NEGR1: variants seen among roughly 807,000 people sequenced by gnomAD.
The protein encoded by NEGR1 is IgLON family member 4.
NEGR1 carries 10 observed loss-of-function variants against 40.9 expected under a neutral mutation model. The observed-to-expected ratio is 0.24, with a 90% CI of 0.15 to 0.42. The LOEUF is 0.42. NEGR1 is among the 10% of genes least tolerant of loss of function. The pLI is 1.00. For missense variants in NEGR1, 352 were observed against 438.9 expected, an observed-to-expected ratio of 0.80 and a Z score of 1.77; for synonymous variants, 185 against 166.8, an observed-to-expected ratio of 1.11 and a Z score of -0.84.
At chr1:72,003,594 C>A (rs1202338545) in intron 1 of NEGR1, among the ~76,000 whole-genome samples, 1 of 146,588 alleles carries the variant, frequency 6.8e-6, no homozygotes, top group African/African-American at 2.6e-5. Flanking sequence ...AGGAAGTTAT[C>A]AGAAGATAGG....
chr1:71,831,336 A>G (rs753237663), intron 2 of NEGR1, among the ~76,000 whole-genome samples: 4 of 151,928 alleles, frequency 2.6e-5, no homozygotes, highest in Admixed American at 2.6e-4. Context: ...AAAATTGCAA[A>G]TAAAGGTGTT....
intron 6 of NEGR1, among the ~76,000 whole-genome samples, chr1:71,517,631 G>A (rs1193687603): frequency 7.0e-6 from 1 of 142,476 alleles, no homozygotes; most frequent in Non-Finnish European, 1.5e-5. Flanking sequence ...TACTGAATGG[G>A]CAAAAACTGG....
chr1:71,561,693 A>C (rs1647243866), intron 6 of NEGR1, among the ~76,000 whole-genome samples: 1 of 151,708 alleles, frequency 6.6e-6, no homozygotes, highest in Admixed American at 6.6e-5. Flanking sequence ...GACAACCATA[A>C]ATCCTGAAAG....
At chr1:72,068,768 C>G (rs913458632) in intron 1 of NEGR1, among the ~76,000 whole-genome samples, 4 of 152,004 alleles carry the variant, frequency 2.6e-5, no homozygotes, top group African/African-American at 9.7e-5. Flanking sequence ...GTGATTTTGT[C>G]TTACCAAGAA....
intron 2 of NEGR1, among the ~76,000 whole-genome samples, chr1:71,897,503 T>A (rs1661005678): frequency 6.6e-6 from 1 of 152,196 alleles, no homozygotes; most frequent in Admixed American, 6.5e-5. Context: ...TTTATAACCC[T>A]AGTTTGAGAG....
intron 4 of NEGR1, among the ~76,000 whole-genome samples, chr1:71,622,885 G>T (rs563117374): frequency 6.6e-6 from 1 of 151,802 alleles, no homozygotes; most frequent in Non-Finnish European, 1.5e-5. Flanking sequence ...GAGCCTTGGG[G>T]TGTTATGACT....
chr1:72,039,555 G>A (rs1646933671), intron 1 of NEGR1, among the ~76,000 whole-genome samples: 1 of 151,830 alleles, frequency 6.6e-6, no homozygotes, highest in South Asian at 2.1e-4. Flanking sequence ...TCCAAGTGTT[G>A]GAGAGAAAAA....
intron 6 of NEGR1, among the ~76,000 whole-genome samples, chr1:71,575,407 T>C (rs1475085932): frequency 6.6e-6 from 1 of 152,198 alleles, no homozygotes; most frequent in Non-Finnish European, 1.5e-5. Context: ...TTCCTCAATG[T>C]AGCTGCTGTT....
chr1:72,202,208 C>A (rs116548588), intron 1 of NEGR1, among the ~76,000 whole-genome samples: 3 of 151,838 alleles, frequency 2.0e-5, no homozygotes, highest in Admixed American at 1.3e-4. Context: ...AAAACTTAAT[C>A]GATAAATGAT....
chr1:71,980,504 C>T (rs985243263), intron 1 of NEGR1, among the ~76,000 whole-genome samples: 4 of 152,072 alleles, frequency 2.6e-5, no homozygotes, highest in African/African-American at 4.8e-5. Context: ...TGACTCTATA[C>T]GTTTTACAGA....
intron 2 of NEGR1, among the ~76,000 whole-genome samples, chr1:71,800,116 CAT>C (rs1657500879): frequency 2.6e-5 from 4 of 152,144 alleles, no homozygotes; most frequent in Admixed American, 1.3e-4. Context: ...GAGCTTTTTT[CAT>C]ATGTTTGTTG....
chr1:71,701,024 A>C (rs1190827352), intron 3 of NEGR1, among the ~76,000 whole-genome samples: 2 of 152,014 alleles, frequency 1.3e-5, no homozygotes, highest in Non-Finnish European at 2.9e-5. Context: ...AGCTGACAAA[A>C]AAAATTAATT....
At chr1:72,145,716 A>C (rs2821302) in intron 1 of NEGR1, among the ~76,000 whole-genome samples, 151,007 of 152,204 alleles carry the variant, frequency 0.99, 74,927 homozygotes, top group Middle Eastern at 1. Flanking sequence ...TGTTTCTCTG[A>C]ATGATTCCAC....
intron 4 of NEGR1, among the ~76,000 whole-genome samples, chr1:71,617,457 T>A (rs1650482308): frequency 1.3e-5 from 2 of 152,226 alleles, no homozygotes; most frequent in African/African-American, 4.8e-5. Context: ...GAGGATATGT[T>A]ATGTGCACTT....
chr1:71,466,133 A>T (rs1646744142), intron 6 of NEGR1, among the ~76,000 whole-genome samples: 1 of 152,080 alleles, frequency 6.6e-6, no homozygotes, highest in Non-Finnish European at 1.5e-5. Flanking sequence ...CGCAAGTAAC[A>T]CAGGCACTGA....
intron 2 of NEGR1, among the ~76,000 whole-genome samples, chr1:71,873,856 G>C (rs144630887): frequency 6.6e-6 from 1 of 152,222 alleles, no homozygotes; most frequent in African/African-American, 2.4e-5. Context: ...TCATCTGTAT[G>C]ACAGAAACTC....
intron 2 of NEGR1, among the ~76,000 whole-genome samples, chr1:71,783,426 T>C (rs1656789874): frequency 6.6e-6 from 1 of 152,164 alleles, no homozygotes; most frequent in Non-Finnish European, 1.5e-5. Context: ...GATGGTTTCA[T>C]GGTCTGCATC....
At chr1:71,993,200 G>C (rs1173323470) in intron 1 of NEGR1, among the ~76,000 whole-genome samples, 1 of 152,120 alleles carries the variant, frequency 6.6e-6, no homozygotes, top group Non-Finnish European at 1.5e-5. Flanking sequence ...CCTAGTCAGG[G>C]AGCTAAGTCA....
At chr1:71,425,228 GC>G (rs1467021222) in intron 6 of NEGR1, among the ~76,000 whole-genome samples, 1 of 152,118 alleles carries the variant, frequency 6.6e-6, no homozygotes, top group Non-Finnish European at 1.5e-5. Flanking sequence ...TCTTCCTGGA[GC>G]AGGAAGGCTT....
Sources: allele counts gnomAD v4.1 joint callset (sites outside exome capture counted in the v4.1 genomes callset), GRCh38; gene constraint gnomAD v4.1.1; transcripts MANE v1.5; gene names NCBI Gene and HGNC (gene_info 2026-07-23, HGNC 2026-07-21).